The following DPP10 variants were observed in gnomAD, a reference collection of about 807,000 sequenced individuals.
The protein encoded by DPP10 is inactive dipeptidyl peptidase 10.
DPP10 carries 33 observed loss-of-function variants against 120.9 expected under a neutral mutation model. The observed-to-expected ratio is 0.27, with a 90% confidence interval of 0.21 to 0.37. The LOEUF (loss-of-function observed/expected upper bound fraction) is 0.37. Among genes scored for constraint, DPP10 ranks in the 10% least tolerant of loss-of-function variants. The pLI is 1.00. For synonymous variants in DPP10, 337 were observed against 326.1 expected (o/e 1.03, Z -0.36); for missense variants, 816 against 942.8 (o/e 0.87, Z 1.76).
chr2:114,619,958 C>A (rs1016960187), intron 1 of DPP10, among the ~76,000 whole-genome samples: 3 of 151,732 alleles, frequency 2.0e-5, no homozygotes, highest in Admixed American at 6.6e-5. Flanking sequence ...CAACTTTAGC[C>A]AAAAATAAAA....
At position 115,334,230 on chromosome 2, in the gene DPP10, G is replaced by GTTTTTTTTTTTTTGT. The variant is rs1553554644; in HGVS notation, c.176-9574_176-9573insGTTTTTTTTTTTTTT. The stretch of plus-strand genomic sequence containing the variant: ...TCAGGAATGGACCAGAGCAGACTCT[G>GTTTTTTTTTTTTTGT]TTTTTTTTTTTTTTTTAAGAAACCT... On this transcript the variant is annotated intron_variant, in intron 2 of 25. Coordinates refer to ENST00000410059, the MANE Select transcript of DPP10 (RefSeq NM_020868.6). Among the ~76,000 whole-genome samples the GTTTTTTTTTTTTTGT allele has an allele frequency of 5.3e-5, 3 of 56,412 alleles. 1 individual carries two copies. The highest frequency in any genetic ancestry group is 5.5e-4 in the East Asian group (1 of 1,802). The allele number at this position is 56,412 out of a possible 152,430, so 37.0% of individuals were successfully genotyped here. A position where few individuals can be genotyped will look rare whatever the true frequency, so the allele number is the denominator to read the frequency against.
chr2:115,609,127 A>G (rs2083906622), intron 5 of DPP10, among the ~76,000 whole-genome samples: 1 of 152,194 alleles, frequency 6.6e-6, no homozygotes, highest in Non-Finnish European at 1.5e-5. Context: ...AGATTTGAAA[A>G]CAGAGGATGG....
At chr2:115,720,857 G>T (rs1467238032) in intron 7 of DPP10, among the ~76,000 whole-genome samples, 1 of 152,126 alleles carries the variant, frequency 6.6e-6, no homozygotes, top group East Asian at 1.9e-4. Flanking sequence ...AAGGTCTAAG[G>T]TTCCAGATAA....
chr2:114,530,042 A>G (rs1324918569), intron 1 of DPP10, among the ~76,000 whole-genome samples: 2 of 152,116 alleles, frequency 1.3e-5, no homozygotes, highest in African/African-American at 2.4e-5. Flanking sequence ...ATGGCTGCAC[A>G]GTAGGAAATG....
intron 1 of DPP10, among the ~76,000 whole-genome samples, chr2:114,636,982 A>C (rs1320786527): frequency 6.6e-6 from 1 of 151,970 alleles, no homozygotes; most frequent in East Asian, 1.9e-4. Flanking sequence ...CTGGAGATAC[A>C]AATATAGAAG....
chr2:115,433,777 C>G (rs577101490), intron 3 of DPP10, among the ~76,000 whole-genome samples: 1 of 152,006 alleles, frequency 6.6e-6, no homozygotes, highest in South Asian at 2.1e-4. Flanking sequence ...GACAACAGGG[C>G]TGATGTTTTC....
intron 1 of DPP10, among the ~76,000 whole-genome samples, chr2:115,018,267 A>T (rs1702811311): frequency 6.6e-6 from 1 of 152,222 alleles, no homozygotes; most frequent in African/African-American, 2.4e-5. Flanking sequence ...GTAGGAGTGT[A>T]AATTAGTTCA....
At chr2:115,188,154 A>G (rs1352815533) in intron 1 of DPP10, among the ~76,000 whole-genome samples, 3 of 152,162 alleles carry the variant, frequency 2.0e-5, no homozygotes, top group Admixed American at 6.5e-5. Context: ...TCAAGGAAGG[A>G]GGAAGACTAG....
intron 3 of DPP10, among the ~76,000 whole-genome samples, chr2:115,406,454 C>G (rs1374984424): frequency 1.3e-5 from 2 of 151,980 alleles, no homozygotes; most frequent in Admixed American, 1.3e-4. Flanking sequence ...GAATATTATT[C>G]TACTTAAATG....
intron 1 of DPP10, among the ~76,000 whole-genome samples, chr2:114,814,234 G>A (rs1412359352): frequency 1.3e-5 from 2 of 152,132 alleles, no homozygotes; most frequent in African/African-American, 4.8e-5. Context: ...TTCCAGTGAC[G>A]TGAGCTTTCA....
rs186993038 is a variant in DPP10, at chr2:115,329,485, G to A, written c.176-14332G>A. ...AAGTTCTAGGGTACATGTGCAAAAC[G>A]TGCGGGTTTGTTACATATGTATACA... is the stretch of plus-strand genomic sequence containing the variant. On this transcript the variant is annotated intron_variant, in intron 2 of 25. Transcript: ENST00000410059. Among the ~76,000 whole-genome samples, 352 of 152,050 alleles carry A rather than the reference G, an allele frequency of 2.3e-3. 1 individual carries two copies. The highest frequency in any genetic ancestry group is 3.4e-3 in the Middle Eastern group (1 of 294).
chr2:115,387,096 C>T (rs141456821), intron 3 of DPP10, among the ~76,000 whole-genome samples: 216 of 152,074 alleles, frequency 1.4e-3, no homozygotes, highest in African/African-American at 4.8e-3. Context: ...CTCTGCAGGT[C>T]CTGGGTCTGT....
intron 3 of DPP10, among the ~76,000 whole-genome samples, chr2:115,459,938 T>TATATATATATATATACACACAC (rs66927327): frequency 0.06 from 7,747 of 128,328 alleles, 560 homozygotes; most frequent in East Asian, 0.21. Context: ...TATATATATA[T>TATATATATATATATACACACAC]ACACACACAC....
rs57462947 is a variant in DPP10 at position 115,207,416 on chromosome 2, C to CAAAAAAAAAAAAAAAAAAAAAAAAA, written c.61-101817_61-101793dup. Among the ~76,000 whole-genome samples, 9 of 52,302 alleles carry CAAAAAAAAAAAAAAAAAAAAAAAAA rather than the reference C, an allele frequency of 1.7e-4. 1 individual carries two copies. The highest frequency in any genetic ancestry group is 5.9e-4 in the African/African-American group (9 of 15,136). The allele number at this position is 52,302 out of a possible 152,430, so 34.3% of individuals were successfully genotyped here. On this transcript the variant is annotated intron_variant, in intron 1 of 25. Transcript: ENST00000410059. Reference sequence around the variant, plus strand: ...GGTTTTTAAAGAGTGCTTACTGCACCAAAAAAAAAAAAAAAAAAAAAAAAA... The same window carrying CAAAAAAAAAAAAAAAAAAAAAAAAA: ...GGTTTTTAAAGAGTGCTTACTGCACCAAAAAAAAAAAAAAAAAAAAAAAAAAAAAAAAAAAAAAAAAAAAAAAAAA...
At position 115,523,571 on chromosome 2, in the gene DPP10, G is replaced by C. The variant is rs996583266; in HGVS notation, c.367-2327G>C. Among the ~76,000 whole-genome samples, 6 of 152,182 alleles carry C rather than the reference G, an allele frequency of 3.9e-5. No individual in the cohort carries two copies. In the East Asian group the frequency reaches 1.2e-3, roughly 30 times the overall value. On this transcript the variant is annotated intron_variant, in intron 4 of 25. Transcript: ENST00000410059. ...CCTGTAGGACAAGAATGATGACATT[G>C]CCCTATCAGTCTTTACATAACAGCG...
rs118154001 is a variant in DPP10, at chr2:115,419,094, C to T, written c.271+75182C>T. Among the ~76,000 whole-genome samples, 400 of 152,220 alleles carry T rather than the reference C, an allele frequency of 2.6e-3. 10 individuals are homozygous for T. In the East Asian group the frequency reaches 0.064, roughly 24 times the overall value. On this transcript the variant is annotated intron_variant, in intron 3 of 25. Coordinates refer to ENST00000410059, the MANE Select transcript of DPP10 (RefSeq NM_020868.6). ...TTTACAGCAACATCTAGTGTTTGAC[C>T]AAACAACTGGATGCCATAACCTAGC... is the stretch of plus-strand genomic sequence containing the variant.
rs753900110 is a variant in DPP10 at position 115,814,984 on chromosome 2, T to G, written c.1892T>G (p.Val631Gly). 1 of 1,592,950 alleles carries G rather than the reference T, an allele frequency of 6.3e-7. No homozygotes were observed. Among genetic ancestry groups the G allele is most frequent in the Admixed American group, 1.7e-5 (1 of 59,804 alleles). ...GAAGTAAAGGACCAAATAACAGCTG[T>G]GAAGTAAGTGGATGCACATTTTTCT... ...SVEVKDQITA[V>G]KFLLKLPYID... Residue 631 changes from valine to glycine, a missense_variant, in exon 20 of 26, where the codon GTG becomes GGG. Physicochemically the swap from Val to Gly is moderately radical, Grantham distance 109. This residue lies in a region of DPP10 where 592 missense variants were observed against 649.0 expected (regional missense o/e 0.91). Transcript: ENST00000410059.
intron 1 of DPP10, among the ~76,000 whole-genome samples, chr2:114,609,932 T>G (rs1192641959): frequency 1.3e-5 from 2 of 152,172 alleles, no homozygotes; most frequent in African/African-American, 4.8e-5. Flanking sequence ...CATCCTTTGA[T>G]GCCCTCACCT....
At chr2:114,996,831 A>C (rs1049301265) in intron 1 of DPP10, among the ~76,000 whole-genome samples, 15 of 151,658 alleles carry the variant, frequency 9.9e-5, no homozygotes, top group Non-Finnish European at 2.1e-4. Flanking sequence ...AAATACAAAA[A>C]ATTAGCTGGG....
Sources: allele counts gnomAD v4.1 joint callset (sites outside exome capture counted in the v4.1 genomes callset), GRCh38; gene constraint gnomAD v4.1.1; regional missense constraint gnomAD v4.1.1; transcripts MANE v1.5; gene names NCBI Gene and HGNC (gene_info 2026-07-23, HGNC 2026-07-21).